The following HGF variants were observed in gnomAD, a reference collection of about 807,000 sequenced individuals.
HGF encodes the protein hepatocyte growth factor.
HGF carries 39 observed loss-of-function variants against 111.6 expected under a neutral mutation model. That is an observed-to-expected ratio of 0.35 (90% confidence interval 0.27 to 0.46). The LOEUF is 0.46. Ranked by LOEUF, HGF falls within the 20% of genes least tolerant of loss-of-function variation. The pLI, the probability that HGF is intolerant of heterozygous loss-of-function variation, is 1.00. For missense variants in HGF, 735 were observed against 910.5 expected, an observed-to-expected ratio of 0.81 and a Z score of 2.48; for synonymous variants, 285 against 294.8, an observed-to-expected ratio of 0.97 and a Z score of 0.34.
chr7:81,767,864 T>G (rs1789441044), intron 1 of HGF, among the ~76,000 whole-genome samples: 1 of 152,058 alleles, frequency 6.6e-6, no homozygotes, highest in African/African-American at 2.4e-5. Context: ...TAAATGTCAT[T>G]TAAAAAAGAA....
chr7:81,704,939 C>T (rs1190658036), intron 17 of HGF, among the ~76,000 whole-genome samples: 1 of 151,526 alleles, frequency 6.6e-6, no homozygotes, highest in African/African-American at 2.4e-5. Flanking sequence ...ATACACAGAG[C>T]GAGAGAGCAA....
At chr7:81,750,782 G>T (rs1465101163) in intron 5 of HGF, 1 of 221,144 alleles carries the variant, frequency 4.5e-6, no homozygotes, top group Non-Finnish European at 7.5e-6. Flanking sequence ...TTCAACCTCA[G>T]AAAACTGTAA....
chr7:81,708,524 C>CTTTTTTTTTTTTTTTTTTTTTTT (rs3081099), intron 13 of HGF, among the ~76,000 whole-genome samples: 1 of 72,472 alleles, frequency 1.4e-5, no homozygotes, highest in African/African-American at 5.7e-5. Context: ...TTCCTTCCTT[C>CTTTTTTTTTTTTTTTTTTTTTTT]TTTTTTTTTT....
At chr7:81,756,415 G>C in intron 4 of HGF, 1 of 216,798 alleles carries the variant, frequency 4.6e-6, no homozygotes, top group Non-Finnish European at 9.0e-6. Flanking sequence ...AATTGTGTGT[G>C]AAATAAGCCT....
intron 8 of HGF, among the ~76,000 whole-genome samples, 157 bp from the exon 9 acceptor site, chr7:81,726,174 T>C (rs1790003873): frequency 6.6e-6 from 1 of 152,212 alleles, no homozygotes; most frequent in South Asian, 2.1e-4. Context: ...ATATTCAGTA[T>C]ACATAACTGA....
At chr7:81,751,592 C>T (rs1246906217) in intron 5 of HGF, 2 of 994,246 alleles carry the variant, frequency 2.0e-6, no homozygotes, top group South Asian at 4.5e-5. Flanking sequence ...CTACGTGTCA[C>T]ATTTGATTCT....
At chr7:81,731,590 T>C (rs1787658799) in intron 7 of HGF, among the ~76,000 whole-genome samples, 1 of 152,184 alleles carries the variant, frequency 6.6e-6, no homozygotes, top group South Asian at 2.1e-4. Flanking sequence ...CAAAATAAGA[T>C]GGATTTCATA....
intron 9 of HGF, 94 bp downstream of exon 9, chr7:81,725,796 G>T: frequency 1.4e-6 from 2 of 1,396,124 alleles, no homozygotes; most frequent in East Asian, 2.3e-5. Context: ...AACCAGTGCA[G>T]CAAGAAGTAG....
At chr7:81,734,693 C>T (rs1397812373) in intron 7 of HGF, among the ~76,000 whole-genome samples, 1 of 152,098 alleles carries the variant, frequency 6.6e-6, no homozygotes, top group African/African-American at 2.4e-5. Context: ...AGAGAGGCCA[C>T]AGGGCCCTGA....
At chr7:81,722,540 C>A (rs369156476) in intron 9 of HGF, among the ~76,000 whole-genome samples, 52 of 151,520 alleles carry the variant, frequency 3.4e-4, no homozygotes, top group African/African-American at 1.2e-3. Context: ...TGGTCAGGCG[C>A]GGTGGCTCAC....
Position 81,769,973 on chromosome 7 carries a change from G to GTGCT in HGF, c.-6_-3dup. On this transcript the variant is annotated 5_prime_UTR_variant, in exon 1 of 18. Transcript: ENST00000222390. ...TGGCAGGAGTTTGGTCACCCACATG[G>GTGCT]TGCTGCTGGACGGGCTGGCGGATCC... 6.4e-7 allele frequency: 1 copy of GTGCT among 1,553,760 alleles called. No homozygotes were observed. The highest frequency in any genetic ancestry group is 8.7e-7 in the Non-Finnish European group (1 of 1,148,442).
intron 7 of HGF, among the ~76,000 whole-genome samples, chr7:81,735,148 G>T (rs1787786013): frequency 6.6e-6 from 1 of 152,068 alleles, no homozygotes; most frequent in Admixed American, 6.6e-5. Context: ...AGAGCTTCTT[G>T]TTTTAAAATT....
chr7:81,765,997 C>T (rs1789338216), intron 1 of HGF, among the ~76,000 whole-genome samples: 1 of 152,184 alleles, frequency 6.6e-6, no homozygotes, highest in Admixed American at 6.5e-5. Flanking sequence ...AATTACAACT[C>T]CTTTTTCCTC....
intron 4 of HGF, chr7:81,756,228 C>A: frequency 1.8e-6 from 1 of 568,992 alleles, no homozygotes; most frequent in South Asian, 2.3e-5. Context: ...TGTTTTTATG[C>A]TTCAGTTTTG....
chr7:81,719,778 A>T (rs145320135), intron 10 of HGF, among the ~76,000 whole-genome samples: 1 of 152,304 alleles, frequency 6.6e-6, no homozygotes, highest in African/African-American at 2.4e-5. Context: ...TAACTGAAAC[A>T]ATATAATCCA....
intron 7 of HGF, among the ~76,000 whole-genome samples, chr7:81,738,034 AC>A: frequency 6.6e-6 from 1 of 152,228 alleles, no homozygotes; most frequent in South Asian, 2.1e-4. Context: ...TGATGAGAAC[AC>A]ATGGACACAT....
Position 81,743,464 on chromosome 7 carries a change from C to G in HGF, c.754G>C (p.Asp252His), listed in dbSNP as rs752123971. 23 of 1,605,194 alleles carry G rather than the reference C, an allele frequency of 1.4e-5. 1 individual carries two copies. In the Middle Eastern group the frequency reaches 6.6e-4, roughly 46 times the overall value. The change falls in exon 7 of 18, where the codon GAC (aspartate) becomes CAC (histidine). Residue 252 changes from aspartate to histidine, a missense_variant. By Grantham distance (81) the Asp-to-His change is moderately conservative. Transcript: ENST00000222390. Reference sequence around the variant, plus strand: ...CAATAATTATCATCAAAGCCCTTGTCGGGATATCTGCAAACCACACCAAGA... The same window carrying G: ...CAATAATTATCATCAAAGCCCTTGTGGGGATATCTGCAAACCACACCAAGA... ...RHKFLPERYP[D>H]KGFDDNYCRN...
Position 81,717,231 on chromosome 7 carries a change from C to T in HGF, c.1405+1G>A, listed in dbSNP as rs2115848037. On this transcript the variant is annotated splice_donor_variant, in intron 11 of 17. Coordinates refer to ENST00000222390, the MANE Select transcript of HGF (RefSeq NM_000601.6). LOFTEE classifies it high-confidence loss of function. The stretch of plus-strand genomic sequence containing the variant: ...AGACACCAATCCCTAACTGTACTTA[C>T]AACGAGAAATAGGGCAATAATCCCA... 1.2e-6 allele frequency: 2 copies of T among 1,613,296 alleles called. No individual in the cohort carries two copies. Among genetic ancestry groups the T allele is most frequent in the Non-Finnish European group, 1.7e-6 (2 of 1,179,352 alleles).
intron 7 of HGF, among the ~76,000 whole-genome samples, chr7:81,734,447 C>T (rs372027475): frequency 2.1e-4 from 32 of 152,178 alleles, no homozygotes; most frequent in African/African-American, 7.5e-4. Context: ...CAATGCATGC[C>T]TCTTGGAACA....
Sources: gnomAD v4.1 joint callset for allele counts (sites outside exome capture counted in the v4.1 genomes callset) on GRCh38, gnomAD v4.1.1 for gene constraint, MANE v1.5 for transcripts, NCBI Gene and HGNC (gene_info 2026-07-23, HGNC 2026-07-21) for gene names.